VMP1: variants seen among roughly 807,000 people sequenced by gnomAD.
VMP1 encodes the protein ectopic P-granules autophagy protein 3 homolog.
A neutral mutation model predicts 56.0 loss-of-function variants in VMP1; 11 were observed. The ratio of observed to expected loss-of-function variants is 0.20; its 90% confidence interval spans 0.12 to 0.32. The LOEUF is 0.32. VMP1 is among the 10% of genes least tolerant of loss of function. VMP1 has a pLI of 1.00. For missense variants in VMP1, 296 were observed against 490.3 expected (o/e 0.60, Z 3.74); for synonymous variants, 149 against 165.0 (o/e 0.90, Z 0.74).
intron 10 of VMP1, among the ~76,000 whole-genome samples, chr17:59,834,522 C>T (rs770611261): frequency 1.3e-4 from 20 of 151,648 alleles, no homozygotes; most frequent in Non-Finnish European, 2.1e-4. Flanking sequence ...TGGAGTGGTG[C>T]GATCTAGGCT....
At chr17:59,792,554 TCA>T (rs2037270096) in intron 7 of VMP1, among the ~76,000 whole-genome samples, 1 of 152,064 alleles carries the variant, frequency 6.6e-6, no homozygotes, top group African/African-American at 2.4e-5. Flanking sequence ...TTTTTTTATT[TCA>T]GTTTGATCTA....
intron 10 of VMP1, among the ~76,000 whole-genome samples, chr17:59,826,567 A>C (rs1164114249): frequency 6.6e-6 from 1 of 152,228 alleles, no homozygotes; most frequent in African/African-American, 2.4e-5. Flanking sequence ...TAGAAAATAT[A>C]AATGAAGAAA....
intron 5 of VMP1, among the ~76,000 whole-genome samples, chr17:59,739,723 CAAAAAA>C: frequency 2.4e-5 from 1 of 41,556 alleles, no homozygotes; most frequent in East Asian, 7.0e-4. Context: ...GACTCTGTCT[CAAAAAA>C]AAAAAAAAAA....
intron 9 of VMP1, among the ~76,000 whole-genome samples, chr17:59,813,168 A>T (rs923740225): frequency 6.6e-6 from 1 of 152,136 alleles, no homozygotes; most frequent in Non-Finnish European, 1.5e-5. Flanking sequence ...AATCACTCAG[A>T]ATTTCATGAT....
At chr17:59,767,496 AGAAGATACTTG>A (rs1298406635) in intron 6 of VMP1, among the ~76,000 whole-genome samples, 2 of 152,236 alleles carry the variant, frequency 1.3e-5, no homozygotes, top group Non-Finnish European at 2.9e-5. Context: ...TTAGAATAAC[AGAAGATACTTG>A]GAACATGCTA....
At chr17:59,813,532 G>A (rs1048172803) in intron 9 of VMP1, among the ~76,000 whole-genome samples, 8 of 150,170 alleles carry the variant, frequency 5.3e-5, no homozygotes, top group Non-Finnish European at 7.4e-5. Flanking sequence ...AGCCGAGATC[G>A]TGCCATTGCA....
At chr17:59,783,086 C>T (rs1342165691) in intron 7 of VMP1, among the ~76,000 whole-genome samples, 1 of 152,122 alleles carries the variant, frequency 6.6e-6, no homozygotes, top group African/African-American at 2.4e-5. Context: ...GTCCCAGCTA[C>T]TCCGGAGGCT....
At chr17:59,752,571 A>G (rs750176458) in intron 5 of VMP1, among the ~76,000 whole-genome samples, 14 of 152,242 alleles carry the variant, frequency 9.2e-5, no homozygotes, top group Non-Finnish European at 1.6e-4. Context: ...AGTAAAAAGA[A>G]AAAGCTTTTT....
intron 5 of VMP1, among the ~76,000 whole-genome samples, chr17:59,747,348 A>G (rs2035459604): frequency 6.6e-6 from 1 of 151,954 alleles, no homozygotes; most frequent in East Asian, 1.9e-4. Context: ...ACTTGAGGCC[A>G]GGAGTTTAAG....
intron 1 of VMP1, among the ~76,000 whole-genome samples, chr17:59,712,827 A>C (rs2143696777): frequency 6.6e-6 from 1 of 152,306 alleles, no homozygotes; most frequent in East Asian, 1.9e-4. Context: ...AATAGGATTT[A>C]TAAGAAGTTC....
At chr17:59,755,909 T>C (rs2035824415) in intron 5 of VMP1, among the ~76,000 whole-genome samples, 1 of 152,032 alleles carries the variant, frequency 6.6e-6, no homozygotes, top group South Asian at 2.1e-4. Context: ...GGGCTAATAT[T>C]TTTTCTTAGT....
chr17:59,728,412 C>T (rs917594790), intron 1 of VMP1, among the ~76,000 whole-genome samples: 1 of 151,986 alleles, frequency 6.6e-6, no homozygotes, highest in Non-Finnish European at 1.5e-5. Context: ...CATGAATTTT[C>T]TTTCTTAATA....
chr17:59,739,076 C>A (rs1253813117), intron 5 of VMP1, 129 bp downstream of exon 5: 12 of 635,506 alleles, frequency 1.9e-5, no homozygotes, highest in Non-Finnish European at 2.8e-5. Flanking sequence ...TTCTGATCCT[C>A]CAATCAGTGC....
intron 7 of VMP1, among the ~76,000 whole-genome samples, chr17:59,780,005 A>T (rs922401166): frequency 6.6e-6 from 1 of 151,968 alleles, no homozygotes; most frequent in African/African-American, 2.4e-5. Context: ...TTATCTATCT[A>T]CTGTTGGGGT....
chr17:59,739,043 A>C, intron 5 of VMP1, 96 bp downstream of exon 5: 1 of 968,774 alleles, frequency 1.0e-6, no homozygotes, highest in Non-Finnish European at 1.5e-6. Flanking sequence ...ATTTGTTTTA[A>C]TTACCTTTGT....
intron 7 of VMP1, among the ~76,000 whole-genome samples, chr17:59,804,441 C>CT (rs1375378132): frequency 3.3e-5 from 5 of 151,706 alleles, no homozygotes; most frequent in Admixed American, 1.3e-4. Flanking sequence ...CGGTGAAACT[C>CT]TATCTCTACT....
At chr17:59,775,646 T>C (rs1178732614) in intron 7 of VMP1, among the ~76,000 whole-genome samples, 1 of 152,212 alleles carries the variant, frequency 6.6e-6, no homozygotes, top group East Asian at 1.9e-4. Flanking sequence ...GAATAATATT[T>C]AACAGTTCAA....
At chr17:59,713,432 G>A (rs1026491652) in intron 1 of VMP1, among the ~76,000 whole-genome samples, 3 of 151,944 alleles carry the variant, frequency 2.0e-5, no homozygotes, top group East Asian at 1.9e-4. Context: ...TCCAAGTCAC[G>A]CACTTACATA....
chr17:59,788,383 A>G (rs2037083248), intron 7 of VMP1, among the ~76,000 whole-genome samples: 2 of 152,060 alleles, frequency 1.3e-5, no homozygotes, highest in Non-Finnish European at 2.9e-5. Flanking sequence ...GCTACTCAGG[A>G]GGCTGAGGCA....
Sources: allele counts gnomAD v4.1 joint callset (sites outside exome capture counted in the v4.1 genomes callset), GRCh38; gene constraint gnomAD v4.1.1; transcripts MANE v1.5; gene names NCBI Gene and HGNC (gene_info 2026-07-23, HGNC 2026-07-21).